FRYL: variants seen among roughly 807,000 people sequenced by gnomAD.
FRYL encodes the protein protein furry homolog-like.
In FRYL, 150 loss-of-function variants were observed where a neutral mutation model predicts 351.2. The observed-to-expected ratio is 0.43, with a 90% CI of 0.37 to 0.49. The LOEUF (loss-of-function observed/expected upper bound fraction) is 0.49, where lower values mean the gene tolerates loss of function less well. Ranked by LOEUF, FRYL falls within the 20% of genes least tolerant of loss-of-function variation. The pLI is 0.00. For missense variants in FRYL, 3,036 were observed against 3,619.3 expected (o/e 0.84, Z 4.13); for synonymous variants, 1,153 against 1,257.1 (o/e 0.92, Z 1.75).
rs187517401 is a variant in FRYL, at chr4:48,686,368, A to G, written c.-203-1573T>C. On this transcript the variant is annotated intron_variant, in intron 2 of 63. Transcript: ENST00000358350. ...ACTAACTTGTTTGTGCCTGTTCATA[A>G]TATCATTCAAACTTACTGGAATTTT... 2.4e-4 allele frequency among the ~76,000 whole-genome samples: 37 copies of G among 152,318 alleles called. No homozygotes were observed. In the East Asian group the frequency reaches 3.9e-3, roughly 16 times the overall value.
chr4:48,715,637 T>A (rs997424070), intron 1 of FRYL, among the ~76,000 whole-genome samples: 2 of 151,904 alleles, frequency 1.3e-5, no homozygotes, highest in African/African-American at 4.8e-5. Flanking sequence ...TACAAACAAA[T>A]GGAAGAACAT....
Position 48,575,261 on chromosome 4 carries a change from T to C in FRYL, c.2722-20A>G. On this transcript the variant is annotated intron_variant, in intron 24 of 63. Transcript: ENST00000358350. ...AATAATCTGGAAAAAAAATATCGTATTTGTAACAGCCACTAATGATACTAT... is the reference window on the plus strand; with the variant it reads ...AATAATCTGGAAAAAAAATATCGTACTTGTAACAGCCACTAATGATACTAT... 6.2e-7 allele frequency: 1 copy of C among 1,611,592 alleles called. No homozygotes were observed. Among genetic ancestry groups the C allele is most frequent in the East Asian group, 2.2e-5 (1 of 44,820 alleles).
chr4:48,557,585 A>T lies in FRYL; in HGVS notation c.3993T>A (p.Asp1331Glu). The T allele has an allele frequency of 6.2e-7, 1 of 1,614,106 alleles. No homozygotes were observed. The highest frequency in any genetic ancestry group is 8.5e-7 in the Non-Finnish European group (1 of 1,180,026). Reference protein sequence around the residue: ...LKPLPTARRHDEDEDDSLKDR... With the variant: ...LKPLPTARRHEEDEDDSLKDR... The stretch of plus-strand genomic sequence containing the variant: ...CTTTTAAGGAATCATCTTCATCTTC[A>T]TCATGTCGCCTTGCTGTGGGGAGAG... Residue 1331 changes from aspartate to glutamate, a missense_variant, in exon 34 of 64, where the codon GAT becomes GAA. This residue lies in a region of FRYL where 1,987 missense variants were observed against 2,311.7 expected (regional missense o/e 0.86). Coordinates refer to ENST00000358350, the MANE Select transcript of FRYL (RefSeq NM_015030.2).
Position 48,716,665 on chromosome 4 carries a change from C to G in FRYL, c.-383-5967G>C, listed in dbSNP as rs1030904059. Reference sequence around the variant, plus strand: ...GTGGAGAAATCGGAACACTTTTACACTGTTGGTGGGTCTGTAAACTTGTTC... The same window carrying G: ...GTGGAGAAATCGGAACACTTTTACAGTGTTGGTGGGTCTGTAAACTTGTTC... On this transcript the variant is annotated intron_variant, in intron 1 of 63. Coordinates refer to ENST00000358350, the MANE Select transcript of FRYL (RefSeq NM_015030.2). Among the ~76,000 whole-genome samples, 3 of 151,582 alleles carry G rather than the reference C, an allele frequency of 2.0e-5. 1 individual carries two copies. Among genetic ancestry groups the G allele is most frequent in the Non-Finnish European group, 2.9e-5 (2 of 67,848 alleles).
Position 48,553,333 on chromosome 4 carries a change from T to A in FRYL, c.4317A>T (p.Leu1439=), listed in dbSNP as rs985356669. The A allele has an allele frequency of 6.2e-7, 1 of 1,612,706 alleles. No individual in the cohort carries two copies. The highest frequency in any genetic ancestry group is 1.3e-5 in the African/African-American group (1 of 74,882). The part of the protein sequence containing the change: ...YLGRDKTMQL[L]EELVSELQLT... ...GCTGAAGCTCACTCACCAGCTCTTC[T>A]AGCAACTGCATTGTTTTATCTCTAC... is the stretch of plus-strand genomic sequence containing the variant. Residue 1439 remains leucine (L), a synonymous_variant, in exon 36 of 64, where the codon CTA becomes CTT. Coordinates refer to ENST00000358350, the MANE Select transcript of FRYL (RefSeq NM_015030.2).
rs755619005 is a variant in FRYL at position 48,540,846 on chromosome 4, G to A, written c.5802C>T (p.Asn1934=). Residue 1934 remains asparagine (N), a synonymous_variant, in exon 46 of 64, where the codon AAC becomes AAT. Transcript: ENST00000358350. ...TCAAAGAGTTACTTCTTGCATTACTGTTATATCCCAAATAACTGCTACTAT... is the reference window on the plus strand; with the variant it reads ...TCAAAGAGTTACTTCTTGCATTACTATTATATCCCAAATAACTGCTACTAT... ...PINSSSYLGY[N]SNARSNSLRL... 3.1e-6 allele frequency: 5 copies of A among 1,613,828 alleles called. No individual in the cohort carries two copies. In the African/African-American group the frequency reaches 6.7e-5, roughly 22 times the overall value.
chr4:48,542,779 C>T (rs1730515053), intron 44 of FRYL, among the ~76,000 whole-genome samples: 1 of 152,122 alleles, frequency 6.6e-6, no homozygotes, highest in African/African-American at 2.4e-5. Context: ...CCATAACTTC[C>T]CTTAATCTAA....
intron 18 of FRYL, among the ~76,000 whole-genome samples, chr4:48,587,245 A>G (rs982956377): frequency 1.3e-4 from 20 of 152,132 alleles, no homozygotes; most frequent in Admixed American, 1.2e-3. Context: ...TGTGACACAC[A>G]CACATAAATA....
intron 27 of FRYL, among the ~76,000 whole-genome samples, chr4:48,569,363 A>G (rs1456751392): frequency 6.6e-6 from 1 of 152,002 alleles, no homozygotes; most frequent in African/African-American, 2.4e-5. Context: ...CTGAAGTGCA[A>G]TGGCACTATC....
chr4:48,698,394 C>T (rs568175971), intron 2 of FRYL, among the ~76,000 whole-genome samples: 6 of 152,344 alleles, frequency 3.9e-5, no homozygotes, highest in African/African-American at 1.2e-4. Flanking sequence ...CTGTAAGCCT[C>T]CCTGCCACAA....
intron 6 of FRYL, 79 bp from the exon 7 acceptor site, chr4:48,619,449 T>G: frequency 1.4e-6 from 1 of 715,032 alleles, no homozygotes. Context: ...CTCATGTCGC[T>G]TACTGTTTTC....
chr4:48,545,129 T>C (rs772098428), intron 42 of FRYL, among the ~76,000 whole-genome samples: 4 of 152,202 alleles, frequency 2.6e-5, no homozygotes, highest in Non-Finnish European at 5.9e-5. Context: ...CTCTCAGACG[T>C]AGTAGAAAAA....
intron 22 of FRYL, chr4:48,580,638 C>T: frequency 2.5e-6 from 1 of 402,908 alleles, no homozygotes; most frequent in Non-Finnish European, 4.4e-6. Context: ...GAGAATTTTA[C>T]AAACATAAAA....
chr4:48,713,831 C>G (rs1332653115), intron 1 of FRYL, among the ~76,000 whole-genome samples: 1 of 152,126 alleles, frequency 6.6e-6, no homozygotes, highest in Non-Finnish European at 1.5e-5. Context: ...TTTTTCAGCA[C>G]CACACCACAT....
rs1347579536 is a variant in FRYL at position 48,761,003 on chromosome 4, CTGTCTGTGTGTGTGTG to C, written c.-384+19059_-384+19074del. Reference sequence around the variant, plus strand: ...ACCCTCGCTACTCTCTATTATTACTCTGTCTGTGTGTGTGTGTGTGTGTGTGTGTGTGTGTGTGTGT... The same window carrying C: ...ACCCTCGCTACTCTCTATTATTACTCTGTGTGTGTGTGTGTGTGTGTGTGT... On this transcript the variant is annotated intron_variant, in intron 1 of 63. Transcript: ENST00000358350. Among the ~76,000 whole-genome samples the C allele has an allele frequency of 8.2e-5, 10 of 121,688 alleles. No individual in the cohort carries two copies. In the East Asian group the frequency reaches 9.5e-4, roughly 12 times the overall value. The allele number at this position is 121,688 out of a possible 152,430, so 79.8% of individuals were successfully genotyped here.
intron 2 of FRYL, among the ~76,000 whole-genome samples, chr4:48,687,492 C>CGGGGGGGGGGGGGGGG (rs561805370): frequency 4.3e-5 from 2 of 46,566 alleles, no homozygotes; most frequent in African/African-American, 1.1e-4. Context: ...CAAATGAGGT[C>CGGGGGGGGGGGGGGGG]GGGGGGGGGG....
At chr4:48,619,241 G>C (rs1372944368) in intron 7 of FRYL, 33 bp downstream of exon 7, 1 of 1,315,748 alleles carries the variant, frequency 7.6e-7, no homozygotes, top group Admixed American at 1.7e-5. Context: ...AAAGAATAAG[G>C]AATACAGACT....
At chr4:48,547,842 T>G in intron 40 of FRYL, 73 bp from the exon 41 acceptor site, 1 of 1,028,590 alleles carries the variant, frequency 9.7e-7, no homozygotes, top group South Asian at 2.8e-5. Context: ...ACTCACATTT[T>G]GAAGAAAAGG....
At chr4:48,741,616 A>G (rs1156860078) in intron 1 of FRYL, among the ~76,000 whole-genome samples, 3 of 152,164 alleles carry the variant, frequency 2.0e-5, no homozygotes, top group Non-Finnish European at 4.4e-5. Flanking sequence ...GGATCACCTG[A>G]GCCTAGGAGG....
Sources: allele counts gnomAD v4.1 joint callset (sites outside exome capture counted in the v4.1 genomes callset), GRCh38; gene constraint gnomAD v4.1.1; regional missense constraint gnomAD v4.1.1; transcripts MANE v1.5; gene names NCBI Gene and HGNC (gene_info 2026-07-23, HGNC 2026-07-21).